The following ATP8A1 variants were observed in gnomAD, a reference collection of about 807,000 sequenced individuals.
The protein encoded by ATP8A1 is phospholipid-transporting ATPase IA.
A neutral mutation model predicts 177.7 loss-of-function variants in ATP8A1; 90 were observed. The observed-to-expected ratio is 0.51, with a 90% CI of 0.43 to 0.60. ATP8A1 has a LOEUF of 0.60. ATP8A1 is among the 20% of genes least tolerant of loss of function. The probability of loss-of-function intolerance (pLI) is 0.00; values close to 1 mark genes in which losing one functional copy is unlikely to be tolerated. For synonymous variants in ATP8A1, 493 were observed against 485.9 expected (o/e 1.01, Z -0.19); for missense variants, 1,072 against 1,392.8 (o/e 0.77, Z 3.67).
At chr4:42,415,233 T>C (rs1713101925) in intron 35 of ATP8A1, 2 of 152,402 alleles carry the variant, frequency 1.3e-5, no homozygotes, top group African/African-American at 2.4e-5. Context: ...AGACATTTCA[T>C]AGACTTTTTA....
At chr4:42,577,452 A>G (rs879146151) in intron 12 of ATP8A1, among the ~76,000 whole-genome samples, 1 of 152,164 alleles carries the variant, frequency 6.6e-6, no homozygotes, top group Admixed American at 6.5e-5. Context: ...AGTATGTCAT[A>G]TTTTTCGAAA....
intron 33 of ATP8A1, among the ~76,000 whole-genome samples, chr4:42,428,353 C>T (rs980500207): frequency 5.3e-5 from 8 of 152,198 alleles, no homozygotes; most frequent in African/African-American, 1.7e-4. Flanking sequence ...GTCTTCCCTC[C>T]AAAGGCTGCT....
intron 10 of ATP8A1, 98 bp from the exon 11 acceptor site, chr4:42,580,076 T>C (rs1732878301): frequency 1.1e-6 from 1 of 930,834 alleles, no homozygotes; most frequent in Admixed American, 3.1e-5. Flanking sequence ...CACAACTCAG[T>C]ATCTAGATGT....
intron 22 of ATP8A1, among the ~76,000 whole-genome samples, chr4:42,517,564 C>A (rs6840498): frequency 6.6e-6 from 1 of 152,158 alleles, no homozygotes; most frequent in African/African-American, 2.4e-5. Context: ...TGAAATATCC[C>A]ATATGATAAT....
chr4:42,411,420 A>G lies in ATP8A1; in HGVS notation c.*1496T>C, dbSNP rs951930590. 6.6e-6 allele frequency: 1 copy of G among 152,224 alleles called. No individual in the cohort carries two copies. The highest frequency in any genetic ancestry group is 1.5e-5 in the Non-Finnish European group (1 of 68,038). 9.4% of individuals were successfully genotyped at this position (152,224 alleles called of 1,614,324 possible). A position where few individuals can be genotyped will look rare whatever the true frequency, so the allele number is the denominator to read the frequency against. On this transcript the variant is annotated 3_prime_UTR_variant, in exon 37 of 37. Coordinates refer to ENST00000381668, the MANE Select transcript of ATP8A1 (RefSeq NM_006095.2). ...GAAAGTTCTACCTATTTTGCTGGTA[A>G]GTCCATGTAAAGGCAAGCAGGCTTT... is the stretch of plus-strand genomic sequence containing the variant.
intron 33 of ATP8A1, among the ~76,000 whole-genome samples, chr4:42,443,261 A>T (rs1470266812): frequency 6.6e-6 from 1 of 152,232 alleles, no homozygotes; most frequent in African/African-American, 2.4e-5. Flanking sequence ...TTTATGGTGT[A>T]ATTTTAAAAT....
intron 20 of ATP8A1, among the ~76,000 whole-genome samples, chr4:42,541,330 C>T (rs1035116087): frequency 6.6e-6 from 1 of 152,104 alleles, no homozygotes; most frequent in African/African-American, 2.4e-5. Flanking sequence ...AATACCAGTA[C>T]ACATCTATTA....
At chr4:42,440,752 T>C (rs957224263) in intron 33 of ATP8A1, among the ~76,000 whole-genome samples, 1 of 152,202 alleles carries the variant, frequency 6.6e-6, no homozygotes, top group African/African-American at 2.4e-5. Context: ...AGCTCCTCTA[T>C]TCAGTCAACG....
intron 32 of ATP8A1, among the ~76,000 whole-genome samples, chr4:42,444,223 C>G (rs968191570): frequency 6.6e-6 from 1 of 152,170 alleles, no homozygotes; most frequent in Non-Finnish European, 1.5e-5. Context: ...TTCAGAATCA[C>G]TTTCCAATGG....
At chr4:42,416,934 A>G (rs1307229698) in intron 35 of ATP8A1, among the ~76,000 whole-genome samples, 3 of 152,222 alleles carry the variant, frequency 2.0e-5, no homozygotes, top group African/African-American at 7.2e-5. Flanking sequence ...TCTAGTCAAC[A>G]TAAGCGCAAG....
At position 42,483,109 on chromosome 4, in the gene ATP8A1, C is replaced by T. The variant is rs375141555; in HGVS notation, c.2324+2387G>A. 1.2e-3 allele frequency among the ~76,000 whole-genome samples: 186 copies of T among 152,258 alleles called. 1 individual carries two copies. Among genetic ancestry groups the T allele is most frequent in the African/African-American group, 4.3e-3 (178 of 41,538 alleles). Reference sequence around the variant, plus strand: ...GATACACAGAATGGCCCACCTATTCCTATCCAGGGATAGAAGCATTATCAT... The same window carrying T: ...GATACACAGAATGGCCCACCTATTCTTATCCAGGGATAGAAGCATTATCAT... On this transcript the variant is annotated intron_variant, in intron 25 of 36. Transcript: ENST00000381668.
At chr4:42,612,864 C>A (rs929445188) in intron 5 of ATP8A1, among the ~76,000 whole-genome samples, 1 of 152,074 alleles carries the variant, frequency 6.6e-6, no homozygotes, top group Non-Finnish European at 1.5e-5. Context: ...CCCTCTGATG[C>A]CTCACATAAG....
chr4:42,426,258 C>T (rs895688342), intron 33 of ATP8A1, among the ~76,000 whole-genome samples: 1 of 152,212 alleles, frequency 6.6e-6, no homozygotes, highest in African/African-American at 2.4e-5. Context: ...TTCAATGTGC[C>T]CATGTTCAGT....
chr4:42,466,323 C>A (rs1577988875), intron 25 of ATP8A1, among the ~76,000 whole-genome samples: 1 of 152,258 alleles, frequency 6.6e-6, no homozygotes, highest in East Asian at 1.9e-4. Context: ...TCTGAAAAAT[C>A]ATTTACTATT....
chr4:42,446,771 T>TC, intron 30 of ATP8A1, 127 bp from the exon 31 acceptor site: 1 of 691,624 alleles, frequency 1.4e-6, no homozygotes, highest in Non-Finnish European at 2.3e-6. Flanking sequence ...AGAAATGAGA[T>TC]TAAAAAAAAA....
At chr4:42,518,454 A>G (rs1010256214) in intron 22 of ATP8A1, among the ~76,000 whole-genome samples, 4 of 152,206 alleles carry the variant, frequency 2.6e-5, no homozygotes, top group Non-Finnish European at 4.4e-5. Context: ...CAGAGTCACA[A>G]CAAGCCCTGC....
At chr4:42,534,046 C>G (rs1727538106) in intron 20 of ATP8A1, among the ~76,000 whole-genome samples, 1 of 152,108 alleles carries the variant, frequency 6.6e-6, no homozygotes, top group African/African-American at 2.4e-5. Context: ...CCAGATCTTC[C>G]CTCTGACATA....
chr4:42,431,195 G>A lies in ATP8A1; in HGVS notation c.3124-7490C>T, dbSNP rs200177915. ...AAAAATTTTTATTATAAAATTTAAAGAGGAAAAAACTTTAATTTTTACTGA... is the reference window on the plus strand; with the variant it reads ...AAAAATTTTTATTATAAAATTTAAAAAGGAAAAAACTTTAATTTTTACTGA... On this transcript the variant is annotated intron_variant, in intron 33 of 36. Transcript: ENST00000381668. Among the ~76,000 whole-genome samples the A allele has an allele frequency of 7.2e-5, 11 of 151,992 alleles. No homozygotes were observed. In the East Asian group the frequency reaches 1.9e-3, roughly 27 times the overall value.
At chr4:42,594,603 T>G (rs1734543087) in intron 6 of ATP8A1, among the ~76,000 whole-genome samples, 1 of 152,102 alleles carries the variant, frequency 6.6e-6, no homozygotes, top group Non-Finnish European at 1.5e-5. Flanking sequence ...ATCTATTCTA[T>G]CCACTTAATT....
Sources: gnomAD v4.1 joint callset for allele counts (sites outside exome capture counted in the v4.1 genomes callset) on GRCh38, gnomAD v4.1.1 for gene constraint, MANE v1.5 for transcripts, NCBI Gene and HGNC (gene_info 2026-07-23, HGNC 2026-07-21) for gene names.